Variants in TUBE1 observed in about 807,000 individuals in gnomAD.
TUBE1 encodes the protein tubulin epsilon chain.
In TUBE1, 34 loss-of-function variants were observed where a neutral mutation model predicts 53.5. The ratio of observed to expected loss-of-function variants is 0.64; its 90% CI spans 0.48 to 0.85. The LOEUF (loss-of-function observed/expected upper bound fraction) is 0.85, where lower values mean the gene tolerates loss of function less well. Among genes scored for constraint, TUBE1 ranks in the 40% least tolerant of loss-of-function variants. The pLI is 0.00. For missense variants in TUBE1, 532 were observed against 570.5 expected (o/e 0.93, Z 0.69); for synonymous variants, 177 against 198.4 (o/e 0.89, Z 0.91).
At position 112,076,366 on chromosome 6, in the gene TUBE1, C is replaced by T; in HGVS notation, c.592G>A (p.Glu198Lys). The part of the protein sequence containing the change: ...SPYNSILAMK[E>K]LNEHADCVLP... The stretch of plus-strand genomic sequence containing the variant: ...ACACAGTCTGCATGCTCATTAAGTT[C>T]CTTCATTGCCAAGATGCTATTATAA... The change falls in exon 7 of 12, where the codon GAA becomes AAA. Residue 198 changes from glutamate to lysine, a missense_variant. Coordinates refer to ENST00000368662, the MANE Select transcript of TUBE1 (RefSeq NM_016262.5). 1 of 1,604,958 alleles carries T rather than the reference C, an allele frequency of 6.2e-7. No individual in the cohort carries two copies. Among genetic ancestry groups the T allele is most frequent in the Non-Finnish European group, 8.5e-7 (1 of 1,176,660 alleles).
chr6:112,083,944 T>C, intron 4 of TUBE1: 2 of 451,544 alleles, frequency 4.4e-6, no homozygotes, highest in East Asian at 4.0e-5. Context: ...AATGCTCCTT[T>C]TGTTATCATT....
chr6:112,071,910 T>G lies in TUBE1; in HGVS notation c.1261A>C (p.Lys421Gln), dbSNP rs1583590865. 1 of 1,599,018 alleles carries G rather than the reference T, an allele frequency of 6.3e-7. No homozygotes were observed. The highest frequency in any genetic ancestry group is 2.2e-5 in the East Asian group (1 of 44,800). The change falls in exon 11 of 12, where the codon AAG (lysine) becomes CAG (glutamine). Residue 421 changes from lysine to glutamine, a missense_variant. Coordinates refer to ENST00000368662, the MANE Select transcript of TUBE1 (RefSeq NM_016262.5). ...ELKERFMRLY[K>Q]KKAHLHHYLQ... is the part of the protein sequence containing the mutation. ...AGCTGTACAATAATTACCTTTTTCT[T>G]GTAGAGCCTCATGAATCTCTCTTTC...
At position 112,071,974 on chromosome 6, in the gene TUBE1, T is replaced by C. The variant is rs1776875120; in HGVS notation, c.1197A>G (p.Leu399=). The change falls in exon 11 of 12, where the codon TTA becomes TTG. Residue 399 remains leucine, a synonymous_variant. Coordinates refer to ENST00000368662, the MANE Select transcript of TUBE1 (RefSeq NM_016262.5). The part of the protein sequence containing the change: ...PVGHSHSLLA[L]ANNTCVKPTF... The stretch of plus-strand genomic sequence containing the variant: ...TGGGCTTCACACATGTGTTATTTGC[T>C]AAAGCTAATAACGAATGAGAATGGC... 2 of 1,613,018 alleles carry C rather than the reference T, an allele frequency of 1.2e-6. No individual in the cohort carries two copies. Among genetic ancestry groups the C allele is most frequent in the African/African-American group, 1.3e-5 (1 of 74,872 alleles).
chr6:112,083,968 T>A (rs1777110501), intron 4 of TUBE1: 3 of 514,266 alleles, frequency 5.8e-6, no homozygotes, highest in Non-Finnish European at 1.0e-5. Context: ...CTAGACACTA[T>A]TTCTCCTGAA....
At chr6:112,077,871 G>A (rs926409009) in intron 6 of TUBE1, 2 of 151,826 alleles carry the variant, frequency 1.3e-5, no homozygotes, top group East Asian at 1.9e-4. Context: ...CATATGATGG[G>A]AAGGACTAAG....
At chr6:112,073,072 CTT>C (rs1554315598) in intron 9 of TUBE1, among the ~76,000 whole-genome samples, 174 bp from the exon 10 acceptor site, 3 of 151,874 alleles carry the variant, frequency 2.0e-5, no homozygotes, top group Non-Finnish European at 1.5e-5. Context: ...TTGAAGCAAT[CTT>C]AATGATATGA....
Position 112,076,307 on chromosome 6 carries a change from A to G in TUBE1, c.636+15T>C, listed in dbSNP as rs781954276. On this transcript the variant is annotated intron_variant, in intron 7 of 11. Coordinates refer to ENST00000368662, the MANE Select transcript of TUBE1 (RefSeq NM_016262.5). Reference sequence around the variant, plus strand: ...TATATAACATTTATTCATAAGTTCCAATGTCATTTCTTACTTGATTGTCAA... The same window carrying G: ...TATATAACATTTATTCATAAGTTCCGATGTCATTTCTTACTTGATTGTCAA... 2 of 1,550,576 alleles carry G rather than the reference A, an allele frequency of 1.3e-6. No individual in the cohort carries two copies. Among genetic ancestry groups the G allele is most frequent in the Non-Finnish European group, 1.7e-6 (2 of 1,149,710 alleles).
chr6:112,072,920 T>C, intron 9 of TUBE1, 22 bp from the exon 10 acceptor site: 2 of 1,610,062 alleles, frequency 1.2e-6, no homozygotes, highest in South Asian at 1.1e-5. Flanking sequence ...AAATTGTCAT[T>C]GTTTATACAA....
Position 112,087,478 on chromosome 6 carries a change from C to T in TUBE1, c.-44G>A, listed in dbSNP as rs1171048792. The T allele has an allele frequency of 3.0e-5, 46 of 1,546,146 alleles. No individual in the cohort carries two copies. The highest frequency in any genetic ancestry group is 4.0e-5 in the Non-Finnish European group (46 of 1,144,596). Reference sequence around the variant, plus strand: ...CCGGGAGCTTGCTAGCCCGCGGCCGCTTCTGCATTCCCCCAGCAACGGCGC... The same window carrying T: ...CCGGGAGCTTGCTAGCCCGCGGCCGTTTCTGCATTCCCCCAGCAACGGCGC... On this transcript the variant is annotated 5_prime_UTR_variant, in exon 1 of 12. Coordinates refer to ENST00000368662, the MANE Select transcript of TUBE1 (RefSeq NM_016262.5).
chr6:112,081,273 A>G, intron 4 of TUBE1, 66 bp from the exon 5 acceptor site: 1 of 840,334 alleles, frequency 1.2e-6, no homozygotes, highest in South Asian at 1.6e-5. Context: ...TGTAAATGAA[A>G]AGAATTTATG....
intron 3 of TUBE1, among the ~76,000 whole-genome samples, chr6:112,084,463 G>A (rs1161192951): frequency 6.6e-6 from 1 of 152,182 alleles, no homozygotes; most frequent in East Asian, 1.9e-4. Context: ...AGTTAGGGCT[G>A]GCCATGTAAT....
Position 112,071,225 on chromosome 6 carries a change from TAA to T in TUBE1, c.*185_*186del. 1 of 504,478 alleles carries T rather than the reference TAA, an allele frequency of 2.0e-6. No homozygotes were observed. Among genetic ancestry groups the T allele is most frequent in the Non-Finnish European group, 3.4e-6 (1 of 295,438 alleles). 31.3% of individuals were successfully genotyped at this position (504,478 alleles called of 1,614,324 possible). On this transcript the variant is annotated 3_prime_UTR_variant, in exon 12 of 12. Coordinates refer to ENST00000368662, the MANE Select transcript of TUBE1 (RefSeq NM_016262.5). Reference sequence around the variant, plus strand: ...AGAGAAATGTTTGAAGTTAAGGTACTAAGATTTCACTAATTTCACACATTGGT... The same window carrying T: ...AGAGAAATGTTTGAAGTTAAGGTACTGATTTCACTAATTTCACACATTGGT...
At position 112,076,328 on chromosome 6, in the gene TUBE1, G is replaced by T; in HGVS notation, c.630C>A (p.Asp210Glu). The T allele has an allele frequency of 6.4e-7, 1 of 1,568,530 alleles. No homozygotes were observed. Among genetic ancestry groups the T allele is most frequent in the Non-Finnish European group, 8.6e-7 (1 of 1,158,522 alleles). ...TTCCAATGTCATTTCTTACTTGATT[G>T]TCAATGGGCAATACACAGTCTGCAT... is the stretch of plus-strand genomic sequence containing the variant. Reference protein sequence around the residue: ...NEHADCVLPIDNQSLFDIISK... With the variant: ...NEHADCVLPIENQSLFDIISK... Residue 210 changes from aspartate to glutamate, a missense_variant, in exon 7 of 12, where the codon GAC (aspartate) becomes GAA (glutamate). Coordinates refer to ENST00000368662, the MANE Select transcript of TUBE1 (RefSeq NM_016262.5).
chr6:112,072,902 C>G lies in TUBE1; in HGVS notation c.954-4G>C, dbSNP rs1158269504. 1.2e-6 allele frequency: 2 copies of G among 1,611,682 alleles called. No homozygotes were observed. Among genetic ancestry groups the G allele is most frequent in the African/African-American group, 2.7e-5 (2 of 74,824 alleles). ...ATCTGAAAACATCTGATCCAATCTG[C>G]AACAATGAAATTGTCATTGTTTATA... On this transcript the variant is annotated splice_polypyrimidine_tract_variant and splice_region_variant and intron_variant, in intron 9 of 11. Coordinates refer to ENST00000368662, the MANE Select transcript of TUBE1 (RefSeq NM_016262.5).
In TUBE1 at chr6:112,076,270, C is replaced by A. The variant is rs1200631291; in HGVS notation, c.636+52G>T. 5 of 1,492,756 alleles carry A rather than the reference C, an allele frequency of 3.3e-6. No individual in the cohort carries two copies. In the African/African-American group the frequency reaches 5.6e-5, roughly 17 times the overall value. The allele number at this position is 1,492,756 out of a possible 1,614,324, so 92.5% of individuals were successfully genotyped here. On this transcript the variant is annotated intron_variant, in intron 7 of 11. Transcript: ENST00000368662. The stretch of plus-strand genomic sequence containing the variant: ...TTCATATAAACACACATACATAATA[C>A]AGGACTGAATATATATAACATTTAT...
At chr6:112,080,942 T>C (rs1583596659) in intron 5 of TUBE1, 150 bp downstream of exon 5, 1 of 446,046 alleles carries the variant, frequency 2.2e-6, no homozygotes, top group Non-Finnish European at 3.9e-6. Flanking sequence ...ACAGGTGGCT[T>C]CCAAGCCACT....
intron 1 of TUBE1, 29 bp downstream of exon 1, chr6:112,087,381 C>T (rs781917485): frequency 1.9e-6 from 3 of 1,551,282 alleles, no homozygotes; most frequent in African/African-American, 2.7e-5. Flanking sequence ...CCGCGGCGAC[C>T]AGGTCTCTAC....
chr6:112,079,562 A>T (rs782363809), intron 6 of TUBE1, 71 bp downstream of exon 6: 74 of 1,525,102 alleles, frequency 4.9e-5, no homozygotes, highest in Non-Finnish European at 2.6e-5. Flanking sequence ...TAAAAACAAG[A>T]CTTACGTTTG....
chr6:112,075,273 A>C (rs1554315896), intron 8 of TUBE1: 3 of 152,364 alleles, frequency 2.0e-5, no homozygotes, highest in African/African-American at 7.3e-5. Flanking sequence ...GCTGATCTCC[A>C]GCTCCTGGGC....
Sources: gnomAD v4.1 joint callset for allele counts (sites outside exome capture counted in the v4.1 genomes callset) on GRCh38, gnomAD v4.1.1 for gene constraint, MANE v1.5 for transcripts, NCBI Gene and HGNC (gene_info 2026-07-23, HGNC 2026-07-21) for gene names.